The following SLC30A8 variants were observed in gnomAD, a reference collection of about 807,000 sequenced individuals.
SLC30A8 encodes proton-coupled zinc antiporter SLC30A8.
A neutral mutation model predicts 36.9 loss-of-function variants in SLC30A8; 27 were observed. The ratio of observed to expected loss-of-function variants is 0.73; its 90% confidence interval spans 0.54 to 1.01. The LOEUF (loss-of-function observed/expected upper bound fraction) is 1.01. Ranked by LOEUF, SLC30A8 falls within the 50% of genes least tolerant of loss-of-function variation. SLC30A8 has a pLI of 0.00. For missense variants in SLC30A8, 439 were observed against 452.0 expected (o/e 0.97, Z 0.26); for synonymous variants, 164 against 172.4 (o/e 0.95, Z 0.38).
chr8:117,145,876 A>T (rs1821872751), intron 1 of SLC30A8, among the ~76,000 whole-genome samples: 1 of 152,176 alleles, frequency 6.6e-6, no homozygotes, highest in African/African-American at 2.4e-5. Flanking sequence ...AGAAAGACAA[A>T]TATCACATGT....
At chr8:117,050,111 T>A (rs926794417) in intron 2 of SLC30A8, among the ~76,000 whole-genome samples, 1 of 152,188 alleles carries the variant, frequency 6.6e-6, no homozygotes, top group Non-Finnish European at 1.5e-5. Flanking sequence ...TTACTTTTTA[T>A]TACACTCTCT....
intron 2 of SLC30A8, among the ~76,000 whole-genome samples, chr8:117,120,693 T>C (rs1460167293): frequency 6.6e-6 from 1 of 151,696 alleles, no homozygotes; most frequent in African/African-American, 2.4e-5. Flanking sequence ...AGGAAAATGT[T>C]TGCAAACCAT....
chr8:117,102,319 TAAATG>T (rs1819760360), intron 2 of SLC30A8, among the ~76,000 whole-genome samples: 1 of 152,200 alleles, frequency 6.6e-6, no homozygotes, highest in South Asian at 2.1e-4. Context: ...TCTTTTAAAT[TAAATG>T]AATGAGTTGC....
At chr8:116,998,268 GAGCT>G in intron 1 of SLC30A8, among the ~76,000 whole-genome samples, 1 of 152,326 alleles carries the variant, frequency 6.6e-6, no homozygotes, top group Admixed American at 6.5e-5. Flanking sequence ...ACAGGTGGTA[GAGCT>G]AGAGTGAAGA....
chr8:117,077,245 A>T (rs975936537), intron 2 of SLC30A8, among the ~76,000 whole-genome samples: 1 of 152,152 alleles, frequency 6.6e-6, no homozygotes, highest in Non-Finnish European at 1.5e-5. Flanking sequence ...AAAAATACCA[A>T]TGTCAGGGCT....
At chr8:117,046,787 T>A (rs1817565624) in intron 2 of SLC30A8, among the ~76,000 whole-genome samples, 1 of 152,236 alleles carries the variant, frequency 6.6e-6, no homozygotes, top group Admixed American at 6.5e-5. Flanking sequence ...ATTTCCACTC[T>A]ACGGATTTCC....
intron 1 of SLC30A8, among the ~76,000 whole-genome samples, chr8:116,952,449 AT>A (rs934876735): frequency 1.7e-4 from 26 of 148,796 alleles, no homozygotes; most frequent in South Asian, 6.4e-4. Flanking sequence ...ACTACTTCCA[AT>A]TTTTTTTTTT....
At chr8:117,134,530 G>A (rs1445866257), upstream of SLC30A8, among the ~76,000 whole-genome samples, 1 of 151,958 alleles carries the variant, frequency 6.6e-6, no homozygotes, top group South Asian at 2.1e-4. Context: ...CTTCCTCGGA[G>A]CTGGAACTGG....
At chr8:117,150,016 C>T (rs1255566779) in intron 2 of SLC30A8, among the ~76,000 whole-genome samples, 1 of 152,150 alleles carries the variant, frequency 6.6e-6, no homozygotes, top group East Asian at 1.9e-4. Context: ...AAAACCCATG[C>T]AGACATGGGG....
At chr8:116,980,282 T>C (rs1033206171) in intron 1 of SLC30A8, among the ~76,000 whole-genome samples, 1 of 152,190 alleles carries the variant, frequency 6.6e-6, no homozygotes, top group Non-Finnish European at 1.5e-5. Context: ...TAGAATGGAT[T>C]CTACAGAGGC....
At chr8:116,969,282 A>G (rs1465557044) in intron 1 of SLC30A8, among the ~76,000 whole-genome samples, 1 of 152,028 alleles carries the variant, frequency 6.6e-6, no homozygotes, top group Non-Finnish European at 1.5e-5. Context: ...GCTGGGCGTA[A>G]TGGTACACGC....
chr8:117,026,064 G>C (rs754906993), intron 1 of SLC30A8, among the ~76,000 whole-genome samples: 7 of 152,152 alleles, frequency 4.6e-5, no homozygotes, highest in Non-Finnish European at 1.0e-4. Context: ...AGATGCAGGG[G>C]GGAGAAAAGG....
intron 2 of SLC30A8, among the ~76,000 whole-genome samples, chr8:117,071,239 A>G (rs1173306602): frequency 6.6e-6 from 1 of 152,088 alleles, no homozygotes; most frequent in Non-Finnish European, 1.5e-5. Context: ...GTTGAGAGCC[A>G]TTCTAACAGG....
At chr8:117,081,587 G>T (rs1429305664) in intron 2 of SLC30A8, among the ~76,000 whole-genome samples, 1 of 152,140 alleles carries the variant, frequency 6.6e-6, no homozygotes, top group Admixed American at 6.6e-5. Flanking sequence ...CTGCAATTCA[G>T]TCCCTAATAA....
At chr8:117,142,725 C>A (rs1037814659) in intron 1 of SLC30A8, among the ~76,000 whole-genome samples, 4 of 151,854 alleles carry the variant, frequency 2.6e-5, no homozygotes. Flanking sequence ...CACAGCGGTG[C>A]CTTTCCTTCC....
chr8:117,020,374 G>A (rs1472711496), intron 1 of SLC30A8, among the ~76,000 whole-genome samples: 2 of 152,160 alleles, frequency 1.3e-5, no homozygotes, highest in African/African-American at 4.8e-5. Flanking sequence ...TTATGGTAAT[G>A]TTAAATATTG....
At position 117,175,905 on chromosome 8, in the gene SLC30A8, T is replaced by A. The variant is rs1010015147; in HGVS notation, c.*3224T>A. ...GAGAGTGATGAATTAATTAAAATAG[T>A]CGAATCCCTTTCTGACTGTCTCTGA... On this transcript the variant is annotated 3_prime_UTR_variant, in exon 8 of 8. Coordinates refer to ENST00000456015, the MANE Select transcript of SLC30A8 (RefSeq NM_173851.3). The A allele has an allele frequency of 1.3e-5, 2 of 152,066 alleles. No individual in the cohort carries two copies. Among genetic ancestry groups the A allele is most frequent in the African/African-American group, 4.8e-5 (2 of 41,426 alleles). 9.4% of individuals were successfully genotyped at this position (152,066 alleles called of 1,614,324 possible).
chr8:117,088,828 G>A (rs182866152), intron 2 of SLC30A8, among the ~76,000 whole-genome samples: 125 of 152,330 alleles, frequency 8.2e-4, no homozygotes, highest in Non-Finnish European at 6.0e-4. Flanking sequence ...TTGGCTGACT[G>A]TATTAGATGA....
rs78588388 is a variant in SLC30A8 at position 117,024,092 on chromosome 8, A to G, written c.-265-15127A>G. On this transcript the variant is annotated intron_variant, in intron 1 of 10. Transcript: ENST00000427715. Reference sequence around the variant, plus strand: ...CCTTACTCATGGTTGGATGTCTAGTATCAATGTTTTGAAAATAATCAGTTG... The same window carrying G: ...CCTTACTCATGGTTGGATGTCTAGTGTCAATGTTTTGAAAATAATCAGTTG... Among the ~76,000 whole-genome samples the G allele has an allele frequency of 9.0e-3, 1,374 of 152,332 alleles. 10 individuals carry two copies. The highest frequency in any genetic ancestry group is 0.014 in the Non-Finnish European group (939 of 68,036).
Sources: allele counts gnomAD v4.1 joint callset (sites outside exome capture counted in the v4.1 genomes callset), GRCh38; gene constraint gnomAD v4.1.1; transcripts MANE v1.5; gene names NCBI Gene and HGNC (gene_info 2026-07-23, HGNC 2026-07-21).